The following ZNF892 variants were observed in gnomAD, a reference collection of about 807,000 sequenced individuals.
ZNF892 encodes zinc finger protein 892.
chr2:95,252,242 C>G, the ZNF892 span, among the ~76,000 whole-genome samples: 2 of 145,242 alleles, frequency 1.4e-5, no homozygotes, highest in Non-Finnish European at 3.0e-5. Context: ...CCCCTCCCCC[C>G]ACCACACAGC....
At chr2:95,215,609 A>G in the ZNF892 span, 1 of 400,238 alleles carries the variant, frequency 2.5e-6, no homozygotes, top group Non-Finnish European at 4.4e-6. Context: ...GATAAAGACT[A>G]TGTAAATGTG....
At chr2:95,223,811 C>G in the ZNF892 span, among the ~76,000 whole-genome samples, 2 of 152,226 alleles carry the variant, frequency 1.3e-5, no homozygotes, top group Admixed American at 6.5e-5. Flanking sequence ...AGAACATTAT[C>G]ACCTCTAAAA....
At chr2:95,251,534 C>T in the ZNF892 span, among the ~76,000 whole-genome samples, 2 of 152,086 alleles carry the variant, frequency 1.3e-5, no homozygotes, top group Non-Finnish European at 2.9e-5. Context: ...TGGAACTCCC[C>T]AATCAAAGAC....
the ZNF892 span, among the ~76,000 whole-genome samples, chr2:95,210,063 C>A: frequency 3.4e-5 from 5 of 147,970 alleles, no homozygotes; most frequent in African/African-American, 1.2e-4. Flanking sequence ...ATTAACCGTT[C>A]GATTCATATA....
chr2:95,226,736 C>G, the ZNF892 span, among the ~76,000 whole-genome samples: 8 of 152,268 alleles, frequency 5.3e-5, no homozygotes, highest in East Asian at 1.5e-3. Flanking sequence ...ACCCCATTCC[C>G]AACTCTCATC....
chr2:95,251,268 A>G, the ZNF892 span, among the ~76,000 whole-genome samples: 3 of 152,208 alleles, frequency 2.0e-5, no homozygotes, highest in Non-Finnish European at 4.4e-5. Flanking sequence ...ACTAATTTAT[A>G]TAAACATTGA....
At chr2:95,251,518 A>G in the ZNF892 span, among the ~76,000 whole-genome samples, 1 of 152,064 alleles carries the variant, frequency 6.6e-6, no homozygotes, top group East Asian at 1.9e-4. Context: ...GAGTGTGCAA[A>G]GGATGTGGAA....
chr2:95,244,568 C>G, the ZNF892 span, among the ~76,000 whole-genome samples: 1 of 152,116 alleles, frequency 6.6e-6, no homozygotes, highest in East Asian at 1.9e-4. Flanking sequence ...TACAAAGAAA[C>G]TTAGACTCCC....
At chr2:95,207,926 G>C in the ZNF892 span, 4 of 398,186 alleles carry the variant, frequency 1.0e-5, no homozygotes, top group Admixed American at 4.4e-5. Context: ...TCAGGAAGGA[G>C]TAGCGTCACG....
chr2:95,247,971 G>T, the ZNF892 span, among the ~76,000 whole-genome samples: 1 of 152,182 alleles, frequency 6.6e-6, no homozygotes, highest in South Asian at 2.1e-4. Flanking sequence ...ATTCAATTCA[G>T]CAATCCCATT....
At chr2:95,246,682 T>C in the ZNF892 span, among the ~76,000 whole-genome samples, 1 of 152,182 alleles carries the variant, frequency 6.6e-6, no homozygotes, top group East Asian at 1.9e-4. Flanking sequence ...AAAATCAATG[T>C]GCAAATATCT....
the ZNF892 span, among the ~76,000 whole-genome samples, chr2:95,240,767 T>TC: frequency 9.3e-4 from 142 of 152,300 alleles, no homozygotes; most frequent in Non-Finnish European, 1.8e-3. Context: ...AGGACAGAGT[T>TC]CCCAGGGGCG....
the ZNF892 span, among the ~76,000 whole-genome samples, chr2:95,238,095 G>A: frequency 4.6e-5 from 7 of 152,246 alleles, no homozygotes; most frequent in African/African-American, 9.6e-5. Flanking sequence ...GGGGCTACAC[G>A]CAACAACAGA....
At chr2:95,254,679 T>C in the ZNF892 span, among the ~76,000 whole-genome samples, 2 of 152,330 alleles carry the variant, frequency 1.3e-5, no homozygotes, top group Admixed American at 1.3e-4. Flanking sequence ...CTTGTACCTC[T>C]GGTAGAATTC....
At chr2:95,234,769 C>G in the ZNF892 span, among the ~76,000 whole-genome samples, 2 of 152,194 alleles carry the variant, frequency 1.3e-5, no homozygotes, top group Non-Finnish European at 2.9e-5. Flanking sequence ...TTACTTGTAC[C>G]TTTTAAAATG....
the ZNF892 span, among the ~76,000 whole-genome samples, chr2:95,239,747 C>T: frequency 2.0e-5 from 3 of 152,154 alleles, no homozygotes; most frequent in African/African-American, 7.2e-5. Context: ...CCTGCCTCAG[C>T]CTCCCTAGTA....
At chr2:95,261,558 G>T in the ZNF892 span, among the ~76,000 whole-genome samples, 7 of 152,180 alleles carry the variant, frequency 4.6e-5, no homozygotes, top group African/African-American at 1.7e-4. Context: ...GCCTCCCAAA[G>T]TGCTGGGATT....
At chr2:95,242,421 T>A in the ZNF892 span, among the ~76,000 whole-genome samples, 1 of 152,086 alleles carries the variant, frequency 6.6e-6, no homozygotes, top group African/African-American at 2.4e-5. Context: ...AGAAATAAGA[T>A]CCTTTTCAGA....
At chr2:95,215,757 A>G in the ZNF892 span, among the ~76,000 whole-genome samples, 1 of 152,230 alleles carries the variant, frequency 6.6e-6, no homozygotes, top group African/African-American at 2.4e-5. Flanking sequence ...CTGTGAAAGT[A>G]TAGTTTTACA....
Sources: allele counts gnomAD v4.1 joint callset (sites outside exome capture counted in the v4.1 genomes callset), GRCh38; gene constraint gnomAD v4.1.1; transcripts MANE v1.5; gene names NCBI Gene and HGNC (gene_info 2026-07-23, HGNC 2026-07-21).